The following CSMD3 variants were observed in gnomAD, a reference collection of about 807,000 sequenced individuals.
CSMD3 encodes the protein CUB and sushi domain-containing protein 3.
A neutral mutation model predicts 435.2 loss-of-function variants in CSMD3; 177 were observed. The ratio of observed to expected loss-of-function variants is 0.41; its 90% CI spans 0.36 to 0.46. CSMD3 has a LOEUF of 0.46. Among genes scored for constraint, CSMD3 ranks in the 20% least tolerant of loss-of-function variants. CSMD3 has a pLI of 0.34. For synonymous variants in CSMD3, 1,656 were observed against 1,520.5 expected (o/e 1.09, Z -2.07); for missense variants, 4,265 against 4,504.6 (o/e 0.95, Z 1.52).
chr8:112,518,098 A>G (rs1005546618), intron 27 of CSMD3, among the ~76,000 whole-genome samples: 2 of 152,216 alleles, frequency 1.3e-5, no homozygotes, highest in Non-Finnish European at 1.5e-5. Flanking sequence ...AATGATTCAT[A>G]TATATGACTT....
chr8:112,594,164 C>T (rs1421441272), intron 22 of CSMD3, among the ~76,000 whole-genome samples: 1 of 152,090 alleles, frequency 6.6e-6, no homozygotes, highest in Non-Finnish European at 1.5e-5. Flanking sequence ...GGTGCACGCA[C>T]CGTGTGCGAG....
At chr8:112,864,530 C>T (rs1250835019) in intron 10 of CSMD3, among the ~76,000 whole-genome samples, 2 of 151,990 alleles carry the variant, frequency 1.3e-5, no homozygotes, top group Non-Finnish European at 2.9e-5. Flanking sequence ...GGATTACAGG[C>T]GTGAGCCACC....
chr8:112,652,643 A>T (rs2075156238), intron 18 of CSMD3, among the ~76,000 whole-genome samples: 1 of 152,188 alleles, frequency 6.6e-6, no homozygotes, highest in East Asian at 1.9e-4. Context: ...AATAAGTCTA[A>T]AGAAATAGTT....
rs143028740 is a variant in CSMD3 at position 112,652,020 on chromosome 8, T to C, written c.3005-1671A>G. On this transcript the variant is annotated intron_variant, in intron 18 of 70. Transcript: ENST00000297405. The stretch of plus-strand genomic sequence containing the variant: ...ATAACATTTAGCATGTTTTTCAGTA[T>C]CTTTCATCTCCAATTTATTCTATAT... 3.9e-5 allele frequency among the ~76,000 whole-genome samples: 6 copies of C among 152,314 alleles called. No individual in the cohort carries two copies. The East Asian group carries it at 1.2e-3, about 29-fold the overall frequency.
At chr8:112,497,173 T>C (rs1233420378) in intron 30 of CSMD3, among the ~76,000 whole-genome samples, 2 of 151,568 alleles carry the variant, frequency 1.3e-5, no homozygotes, top group Non-Finnish European at 2.9e-5. Flanking sequence ...CAATTGAACT[T>C]GTAGAGATAG....
At chr8:112,950,329 A>C (rs754678678) in intron 8 of CSMD3, among the ~76,000 whole-genome samples, 4 of 151,866 alleles carry the variant, frequency 2.6e-5, no homozygotes, top group Admixed American at 6.6e-5. Context: ...TTAAAATGTG[A>C]CTTTTTAAAA....
chr8:112,270,667 A>T (rs1336197478), intron 59 of CSMD3, among the ~76,000 whole-genome samples: 1 of 152,092 alleles, frequency 6.6e-6, no homozygotes, highest in African/African-American at 2.4e-5. Context: ...GTTCCATTGT[A>T]TACTCACAGT....
chr8:112,507,155 T>G lies in CSMD3; in HGVS notation c.4757-326A>C, dbSNP rs552921360. Among the ~76,000 whole-genome samples the G allele has an allele frequency of 9.2e-5, 14 of 152,266 alleles. No individual in the cohort carries two copies. In the South Asian group the frequency reaches 2.7e-3, roughly 29 times the overall value. ...CATTAAAAAAGTGATAAAGATGATT[T>G]TCCTCTGGTTACCAGAAAAAATCAG... is the stretch of plus-strand genomic sequence containing the variant. On this transcript the variant is annotated intron_variant, in intron 28 of 70. Transcript: ENST00000297405.
chr8:112,927,425 T>A (rs1356366334), intron 9 of CSMD3, among the ~76,000 whole-genome samples: 1 of 152,090 alleles, frequency 6.6e-6, no homozygotes, highest in African/African-American at 2.4e-5. Context: ...CCAACTAGTT[T>A]GGGATTCAAT....
intron 13 of CSMD3, among the ~76,000 whole-genome samples, chr8:112,797,696 A>G (rs934682266): frequency 2.0e-5 from 3 of 151,874 alleles, no homozygotes; most frequent in African/African-American, 7.2e-5. Flanking sequence ...GAGCATGGTA[A>G]TTATGAAAAT....
chr8:112,696,187 C>T (rs1156810698), intron 13 of CSMD3, among the ~76,000 whole-genome samples: 1 of 152,178 alleles, frequency 6.6e-6, no homozygotes, highest in East Asian at 1.9e-4. Flanking sequence ...CCTCATCAAG[C>T]TACCAATGAC....
intron 12 of CSMD3, among the ~76,000 whole-genome samples, chr8:112,811,770 G>A (rs530408489): frequency 1.8e-4 from 28 of 152,038 alleles, no homozygotes; most frequent in Non-Finnish European, 3.2e-4. Flanking sequence ...TTTGTGAAGC[G>A]GATTCATTGG....
At chr8:112,339,906 C>A (rs1368861941) in intron 42 of CSMD3, among the ~76,000 whole-genome samples, 1 of 152,140 alleles carries the variant, frequency 6.6e-6, no homozygotes, top group African/African-American at 2.4e-5. Context: ...CATTGTAATA[C>A]ATTATGGCTC....
chr8:112,407,749 A>G (rs2130050981), intron 34 of CSMD3, among the ~76,000 whole-genome samples: 1 of 152,184 alleles, frequency 6.6e-6, no homozygotes, highest in East Asian at 1.9e-4. Flanking sequence ...TTCAAAGACA[A>G]TATTTCAAAT....
chr8:112,405,210 C>CA (rs1281207431), intron 35 of CSMD3, among the ~76,000 whole-genome samples: 349 of 32,490 alleles, frequency 0.011, 6 homozygotes, highest in East Asian at 0.037. Flanking sequence ...AAAAAAAAAA[C>CA]CCCCATATAT....
At chr8:112,571,438 A>T (rs1829507253) in intron 24 of CSMD3, among the ~76,000 whole-genome samples, 1 of 152,130 alleles carries the variant, frequency 6.6e-6, no homozygotes, top group Non-Finnish European at 1.5e-5. Flanking sequence ...TCACCTGAGC[A>T]CCCCATAAAA....
chr8:112,691,506 T>G (rs1298759389), intron 13 of CSMD3, among the ~76,000 whole-genome samples: 2 of 152,104 alleles, frequency 1.3e-5, no homozygotes, highest in Non-Finnish European at 2.9e-5. Context: ...ATGTTGTTGT[T>G]TGTTTTTTCT....
intron 9 of CSMD3, among the ~76,000 whole-genome samples, chr8:112,942,818 C>T (rs1013576931): frequency 6.6e-5 from 10 of 151,870 alleles, no homozygotes; most frequent in Admixed American, 4.6e-4. Flanking sequence ...ATCCCTGTGA[C>T]ATACAATTTA....
At chr8:112,668,796 T>A (rs2075587003) in intron 16 of CSMD3, among the ~76,000 whole-genome samples, 1 of 150,702 alleles carries the variant, frequency 6.6e-6, no homozygotes, top group South Asian at 2.1e-4. Flanking sequence ...TATGGGTCGG[T>A]CAGCAAAAGT....
Sources: allele counts gnomAD v4.1 joint callset (sites outside exome capture counted in the v4.1 genomes callset), GRCh38; gene constraint gnomAD v4.1.1; transcripts MANE v1.5; gene names NCBI Gene and HGNC (gene_info 2026-07-23, HGNC 2026-07-21).